GPC6: variants seen among roughly 807,000 people sequenced by gnomAD.
The protein encoded by GPC6 is glypican-6.
A neutral mutation model predicts 55.2 loss-of-function variants in GPC6; 14 were observed. The ratio of observed to expected loss-of-function variants is 0.25; its 90% CI spans 0.17 to 0.40. The LOEUF (loss-of-function observed/expected upper bound fraction) is 0.40. GPC6 is among the 10% of genes least tolerant of loss of function. The probability of loss-of-function intolerance (pLI) is 1.00; values close to 1 mark genes in which losing one functional copy is unlikely to be tolerated. For missense variants in GPC6, 641 were observed against 708.5 expected (o/e 0.90, Z 1.08); for synonymous variants, 278 against 259.6 (o/e 1.07, Z -0.68).
chr13:93,811,135 G>A (rs935474548), intron 2 of GPC6, among the ~76,000 whole-genome samples: 1 of 152,148 alleles, frequency 6.6e-6, no homozygotes, highest in African/African-American at 2.4e-5. Context: ...ACTGGGGAAA[G>A]GACAGTCACC....
intron 2 of GPC6, among the ~76,000 whole-genome samples, chr13:93,685,614 G>C (rs1309072327): frequency 6.6e-6 from 1 of 152,090 alleles, no homozygotes; most frequent in Admixed American, 6.6e-5. Context: ...ATTTTGAAAT[G>C]TGGGTGGTCT....
At chr13:94,045,584 C>CTTTTCT in intron 4 of GPC6, among the ~76,000 whole-genome samples, 1 of 151,788 alleles carries the variant, frequency 6.6e-6, no homozygotes, top group Middle Eastern at 3.4e-3. Context: ...AAGGTAGAAC[C>CTTTTCT]CATTAGGGAA....
At chr13:94,311,415 C>T (rs546781706) in intron 6 of GPC6, among the ~76,000 whole-genome samples, 32 of 152,218 alleles carry the variant, frequency 2.1e-4, no homozygotes, top group Non-Finnish European at 1.3e-4. Flanking sequence ...GTGATCCATC[C>T]GTCTGGGCCT....
chr13:93,533,199 T>A (rs765416835), intron 1 of GPC6, among the ~76,000 whole-genome samples: 6 of 152,182 alleles, frequency 3.9e-5, no homozygotes, highest in Admixed American at 3.3e-4. Flanking sequence ...ACATACATTT[T>A]AAAAATGTGG....
intron 4 of GPC6, among the ~76,000 whole-genome samples, chr13:94,198,404 GA>G (rs1241905109): frequency 1.3e-5 from 2 of 152,140 alleles, no homozygotes; most frequent in African/African-American, 4.8e-5. Flanking sequence ...CTCATCCTAA[GA>G]AACGAACTAG....
intron 1 of GPC6, among the ~76,000 whole-genome samples, chr13:93,351,079 G>T (rs1167641863): frequency 6.6e-6 from 1 of 152,052 alleles, no homozygotes; most frequent in Non-Finnish European, 1.5e-5. Context: ...ACTTGGTATG[G>T]ACAGAATTGG....
intron 2 of GPC6, among the ~76,000 whole-genome samples, chr13:93,582,841 G>A (rs958065980): frequency 6.6e-6 from 1 of 152,318 alleles, no homozygotes. Flanking sequence ...CTGTCGTTAA[G>A]CCTTAAGGGT....
At chr13:93,760,293 C>T (rs1884916002) in intron 2 of GPC6, among the ~76,000 whole-genome samples, 1 of 152,186 alleles carries the variant, frequency 6.6e-6, no homozygotes, top group South Asian at 2.1e-4. Flanking sequence ...TAAGCCGCTT[C>T]TCAGGATTGG....
intron 2 of GPC6, among the ~76,000 whole-genome samples, chr13:93,680,621 G>A (rs916350660): frequency 1.4e-4 from 22 of 152,152 alleles, no homozygotes; most frequent in Admixed American, 9.2e-4. Flanking sequence ...ACAGAGTAAA[G>A]TCTCAAAGCA....
At chr13:94,222,293 C>A (rs778078718) in intron 4 of GPC6, among the ~76,000 whole-genome samples, 5 of 152,056 alleles carry the variant, frequency 3.3e-5, no homozygotes, top group Non-Finnish European at 7.4e-5. Flanking sequence ...TAATACAAAT[C>A]TAGATCTCTA....
intron 1 of GPC6, among the ~76,000 whole-genome samples, chr13:93,476,664 A>T (rs1167666840): frequency 6.6e-6 from 1 of 152,222 alleles, no homozygotes; most frequent in Non-Finnish European, 1.5e-5. Flanking sequence ...ACATGTAAAA[A>T]GTAGAAGTAA....
chr13:93,910,204 G>A (rs182683417), intron 3 of GPC6, among the ~76,000 whole-genome samples: 110 of 152,154 alleles, frequency 7.2e-4, no homozygotes, highest in African/African-American at 2.6e-3. Flanking sequence ...AAATCATGGG[G>A]GTGGGTCTTT....
At chr13:93,614,549 A>C (rs750349008) in intron 2 of GPC6, among the ~76,000 whole-genome samples, 1 of 152,192 alleles carries the variant, frequency 6.6e-6, no homozygotes, top group Non-Finnish European at 1.5e-5. Context: ...TGGCTGGTAC[A>C]TAGTAAGCAT....
chr13:94,224,073 T>C (rs1890470868), intron 4 of GPC6, among the ~76,000 whole-genome samples: 1 of 152,004 alleles, frequency 6.6e-6, no homozygotes, highest in East Asian at 1.9e-4. Flanking sequence ...TCCGTAAGTG[T>C]AGGGCTGAAG....
At chr13:94,089,716 T>A (rs1030241576) in intron 4 of GPC6, among the ~76,000 whole-genome samples, 7 of 152,158 alleles carry the variant, frequency 4.6e-5, no homozygotes, top group African/African-American at 1.7e-4. Context: ...AAGGTAGAAC[T>A]TCACTTTGTT....
chr13:94,386,985 G>A (rs1880440109), intron 7 of GPC6, among the ~76,000 whole-genome samples: 1 of 152,120 alleles, frequency 6.6e-6, no homozygotes, highest in Non-Finnish European at 1.5e-5. Context: ...GACTCTTACA[G>A]TAGATATGTC....
chr13:94,092,727 A>G (rs1251699203), intron 4 of GPC6, among the ~76,000 whole-genome samples: 1 of 152,064 alleles, frequency 6.6e-6, no homozygotes, highest in Non-Finnish European at 1.5e-5. Context: ...CAGTGGCTAT[A>G]CTATTTTGCA....
At chr13:93,413,776 C>T (rs1876596884) in intron 1 of GPC6, among the ~76,000 whole-genome samples, 2 of 151,996 alleles carry the variant, frequency 1.3e-5, no homozygotes, top group Non-Finnish European at 1.5e-5. Flanking sequence ...TAATTTTTCC[C>T]TTTAACTCAT....
intron 2 of GPC6, among the ~76,000 whole-genome samples, chr13:93,723,384 C>T (rs1883518540): frequency 6.6e-6 from 1 of 151,794 alleles, no homozygotes; most frequent in Admixed American, 6.6e-5. Flanking sequence ...TGCTGTAATC[C>T]CCTTACTTTA....
Sources: allele counts gnomAD v4.1 joint callset (sites outside exome capture counted in the v4.1 genomes callset), GRCh38; gene constraint gnomAD v4.1.1; transcripts MANE v1.5; gene names NCBI Gene and HGNC (gene_info 2026-07-23, HGNC 2026-07-21).